The following ERCC6 variants were observed in gnomAD, a reference collection of about 807,000 sequenced individuals.
The protein encoded by ERCC6 is DNA excision repair protein ERCC-6.
A neutral mutation model predicts 158.7 loss-of-function variants in ERCC6; 116 were observed. The ratio of observed to expected loss-of-function variants is 0.73; its 90% CI spans 0.63 to 0.85. The LOEUF (loss-of-function observed/expected upper bound fraction) is 0.85. ERCC6 is among the 40% of genes least tolerant of loss of function. The pLI is 0.00. For synonymous variants in ERCC6, 678 were observed against 659.3 expected, an observed-to-expected ratio of 1.03 and a Z score of -0.43; for missense variants, 1,698 against 1,799.4, an observed-to-expected ratio of 0.94 and a Z score of 1.02.
intron 2 of ERCC6, among the ~76,000 whole-genome samples, chr10:49,531,741 A>C (rs941424807): frequency 6.6e-6 from 1 of 152,176 alleles, no homozygotes; most frequent in Non-Finnish European, 1.5e-5. Context: ...AAGTACCAAC[A>C]ACCACATTCA....
intron 3 of ERCC6, among the ~76,000 whole-genome samples, chr10:49,530,147 G>GT (rs1475896887): frequency 1.3e-5 from 2 of 152,132 alleles, no homozygotes; most frequent in East Asian, 3.9e-4. Context: ...TGAGGCCAGT[G>GT]TGACCCTAAG....
At chr10:49,472,791 A>C (rs1164146607) in intron 15 of ERCC6, 118 bp downstream of exon 15, 1 of 1,247,532 alleles carries the variant, frequency 8.0e-7, no homozygotes, top group Non-Finnish European at 1.1e-6. Flanking sequence ...AACAGGAGAC[A>C]ATCAAAATGT....
At position 49,458,605 on chromosome 10, in the gene ERCC6, G is replaced by C; in HGVS notation, c.*210C>G. The C allele has an allele frequency of 1.8e-6, 1 of 566,778 alleles. No homozygotes were observed. The allele number at this position is 566,778 out of a possible 1,614,324, so 35.1% of individuals were successfully genotyped here. On this transcript the variant is annotated 3_prime_UTR_variant, in exon 21 of 21. Coordinates refer to ENST00000355832, the MANE Select transcript of ERCC6 (RefSeq NM_000124.4). Reference sequence around the variant, plus strand: ...GCCAAAAAAAAAAAAATCAATCCAAGTATTTTCTCCTTTAGCTAGCATTAT... The same window carrying C: ...GCCAAAAAAAAAAAAATCAATCCAACTATTTTCTCCTTTAGCTAGCATTAT...
chr10:49,484,607 G>A (rs555653297), intron 8 of ERCC6, among the ~76,000 whole-genome samples: 35 of 152,110 alleles, frequency 2.3e-4, no homozygotes, highest in Non-Finnish European at 3.5e-4. Context: ...CTGCATGGTG[G>A]TGCACAGCTG....
At position 49,524,380 on chromosome 10, in the gene ERCC6, C is replaced by T. The variant is rs1464559178; in HGVS notation, c.1050G>A (p.Lys350=). ...TGTCTGACTCCCAAGGTCTCCTTGC[C>T]TTTGGCAATCCCACTTTCCCCTGGA... ...LQFQGKVGLP[K]ARRPWESDMR... The change falls in exon 5 of 21, where the codon AAG becomes AAA. Residue 350 remains lysine, a synonymous_variant. Coordinates refer to ENST00000355832, the MANE Select transcript of ERCC6 (RefSeq NM_000124.4). The T allele has an allele frequency of 1.2e-6, 2 of 1,614,194 alleles. No individual in the cohort carries two copies. The highest frequency in any genetic ancestry group is 2.7e-5 in the African/African-American group (2 of 75,048).
At chr10:49,452,213 T>A (rs1850428606), downstream of ERCC6, among the ~76,000 whole-genome samples, 1 of 151,934 alleles carries the variant, frequency 6.6e-6, no homozygotes, top group Admixed American at 6.6e-5. Flanking sequence ...GCTTTATTTC[T>A]TCCTTAATAC....
chr10:49,456,739 G>T lies in ERCC6; in HGVS notation c.*2076C>A, dbSNP rs996763445. On this transcript the variant is annotated 3_prime_UTR_variant, in exon 21 of 21. Transcript: ENST00000355832. ...ATTTACACTGTACAAAGCTTTTAAAGTTCTAAAAATCAGATTTTTATCTAA... is the reference window on the plus strand; with the variant it reads ...ATTTACACTGTACAAAGCTTTTAAATTTCTAAAAATCAGATTTTTATCTAA... 6.6e-6 allele frequency: 1 copy of T among 152,126 alleles called. No homozygotes were observed. The highest frequency in any genetic ancestry group is 1.5e-5 in the Non-Finnish European group (1 of 68,016). 9.4% of individuals were successfully genotyped at this position (152,126 alleles called of 1,614,324 possible).
chr10:49,494,556 G>A (rs1482982741), intron 7 of ERCC6, among the ~76,000 whole-genome samples: 1 of 152,104 alleles, frequency 6.6e-6, no homozygotes, highest in African/African-American at 2.4e-5. Flanking sequence ...GATCTCTGCA[G>A]GTGCCCTCCT....
chr10:49,477,698 A>C (rs1850903493), intron 11 of ERCC6, among the ~76,000 whole-genome samples: 1 of 152,058 alleles, frequency 6.6e-6, no homozygotes, highest in African/African-American at 2.4e-5. Flanking sequence ...CCCAGCCCTG[A>C]CCACACTGGC....
In ERCC6 at chr10:49,455,879, C is replaced by T. The variant is rs1399131140; in HGVS notation, c.*2936G>A. 3 of 152,164 alleles carry T rather than the reference C, an allele frequency of 2.0e-5. No homozygotes were observed. The highest frequency in any genetic ancestry group is 4.4e-5 in the Non-Finnish European group (3 of 68,034). The allele number at this position is 152,164 out of a possible 1,614,324, so 9.4% of individuals were successfully genotyped here. On this transcript the variant is annotated 3_prime_UTR_variant, in exon 21 of 21. Transcript: ENST00000355832. Reference sequence around the variant, plus strand: ...ACAAAACAACCTATCGATATTGATACCACTTACTGTTGGCAAGGGTTTGGA... The same window carrying T: ...ACAAAACAACCTATCGATATTGATATCACTTACTGTTGGCAAGGGTTTGGA...
chr10:49,535,480 A>G (rs1421498715), intron 1 of ERCC6, among the ~76,000 whole-genome samples: 1 of 152,210 alleles, frequency 6.6e-6, no homozygotes, highest in African/African-American at 2.4e-5. Context: ...ATTATTTTCA[A>G]GAGGAAGGCT....
In ERCC6 at chr10:49,459,235, C is replaced by G. The variant is rs766980240; in HGVS notation, c.4063-1G>C. ...TTCCCTCCTTTTTCATGATGCCATC[C>G]TATAAAAAGAAGACCACTATACTGA... is the stretch of plus-strand genomic sequence containing the variant. On this transcript the variant is annotated splice_acceptor_variant, in intron 20 of 20. Coordinates refer to ENST00000355832, the MANE Select transcript of ERCC6 (RefSeq NM_000124.4). LOFTEE classifies it high-confidence loss of function. 13 of 1,613,912 alleles carry G rather than the reference C, an allele frequency of 8.1e-6. No homozygotes were observed. The highest frequency in any genetic ancestry group is 1.7e-4 in the Middle Eastern group (1 of 6,058).
At chr10:49,442,512 C>T in the ERCC6 span, among the ~76,000 whole-genome samples, 11 of 152,224 alleles carry the variant, frequency 7.2e-5, no homozygotes, top group African/African-American at 2.7e-4. Flanking sequence ...TTCTTGACAG[C>T]CACGATGCTG....
At chr10:49,501,723 A>G (rs1308134882) in intron 6 of ERCC6, 1 of 152,066 alleles carries the variant, frequency 6.6e-6, no homozygotes, top group Non-Finnish European at 1.5e-5. Context: ...TGGGAAGCCG[A>G]GGCAGGAGGA....
At chr10:49,484,285 A>G (rs1367562529) in intron 8 of ERCC6, among the ~76,000 whole-genome samples, 3 of 146,358 alleles carry the variant, frequency 2.0e-5, no homozygotes, top group African/African-American at 8.2e-5. Context: ...CCTCAAAAAA[A>G]AAAAAAGAAA....
intron 18 of ERCC6, among the ~76,000 whole-genome samples, chr10:49,469,344 G>A (rs1850731506): frequency 6.6e-6 from 1 of 152,094 alleles, no homozygotes. Flanking sequence ...CACTGAGTAA[G>A]ATACGGTATC....
chr10:49,538,585 T>A (rs974397472), intron 1 of ERCC6, among the ~76,000 whole-genome samples: 3 of 152,194 alleles, frequency 2.0e-5, no homozygotes, highest in Non-Finnish European at 4.4e-5. Flanking sequence ...TTTGACTCTA[T>A]CAACGCCCAA....
At chr10:49,482,961 C>A in intron 9 of ERCC6, 98 bp from the exon 10 acceptor site, 1 of 1,285,184 alleles carries the variant, frequency 7.8e-7, no homozygotes, top group Non-Finnish European at 1.1e-6. Context: ...TACACATTTA[C>A]TCATCATTCT....
chr10:49,532,437 T>A, intron 2 of ERCC6, 106 bp downstream of exon 2: 1 of 1,550,882 alleles, frequency 6.4e-7, no homozygotes, highest in Non-Finnish European at 8.7e-7. Context: ...AAATAAAAGG[T>A]TCTACACATC....
Sources: allele counts gnomAD v4.1 joint callset (sites outside exome capture counted in the v4.1 genomes callset), GRCh38; gene constraint gnomAD v4.1.1; transcripts MANE v1.5; gene names NCBI Gene and HGNC (gene_info 2026-07-23, HGNC 2026-07-21).